ARID5A: variants seen among roughly 807,000 people sequenced by gnomAD.
ARID5A encodes AT-rich interactive domain-containing protein 5A.
Under a neutral mutation model 30.5 loss-of-function variants are expected in ARID5A, and 14 were observed. That is an observed-to-expected ratio of 0.46 (90% CI 0.30 to 0.72). ARID5A has a LOEUF of 0.72. Among genes scored for constraint, ARID5A ranks in the 30% least tolerant of loss-of-function variants. The probability of loss-of-function intolerance (pLI) is 0.07; values close to 1 mark genes in which losing one functional copy is unlikely to be tolerated. For missense variants in ARID5A, 669 were observed against 786.2 expected, an observed-to-expected ratio of 0.85 and a Z score of 1.78; for synonymous variants, 338 against 340.4, an observed-to-expected ratio of 0.99 and a Z score of 0.08.
chr2:96,544,975 G>A (rs1196231806), intron 1 of ARID5A, among the ~76,000 whole-genome samples: 1 of 152,258 alleles, frequency 6.6e-6, no homozygotes, highest in East Asian at 1.9e-4. Context: ...AGAAGACACT[G>A]CAGATGCAGT....
rs899530264 is a variant in ARID5A, at chr2:96,549,892, A to G, written c.312+87A>G. On this transcript the variant is annotated intron_variant, in intron 4 of 6. Coordinates refer to ENST00000357485, the MANE Select transcript of ARID5A (RefSeq NM_212481.3). This position sits in a 1 kb window ranked among gnomAD's most constrained non-coding sequence, Gnocchi z 6.1. The stretch of plus-strand genomic sequence containing the variant: ...TGTCCTTGCCTCTGGACAGAGGAAG[A>G]GCCAGGATCCCCAGTCCTACCCCTG... The G allele has an allele frequency of 4.5e-6, 7 of 1,554,822 alleles. No individual in the cohort carries two copies. In the Admixed American group the frequency reaches 1.3e-4, roughly 29 times the overall value.
At position 96,547,585 on chromosome 2, in the gene ARID5A, C is replaced by A. The variant is rs902413517; in HGVS notation, c.120+68C>A. On this transcript the variant is annotated intron_variant, in intron 2 of 6. Transcript: ENST00000357485. The stretch of plus-strand genomic sequence containing the variant: ...GCCACCCTCACCTGTGCTCCGCCTC[C>A]AGGTGAACCTGGACACTCCCCAAGC... The A allele has an allele frequency of 5.5e-6, 8 of 1,464,136 alleles. No homozygotes were observed. In the Admixed American group the frequency reaches 1.4e-4, roughly 26 times the overall value. 90.7% of individuals were successfully genotyped at this position (1,464,136 alleles called of 1,614,324 possible). A position where few individuals can be genotyped will look rare whatever the true frequency, so the allele number is the denominator to read the frequency against.
Position 96,551,912 on chromosome 2 carries a change from G to A in ARID5A, c.1384G>A (p.Val462Met), listed in dbSNP as rs777135656. ...CCACAGTGGGAAGAGACTGCGGGCC[G>A]TGTCTCCCTTTCTTAAGGAGGCGGA... is the stretch of plus-strand genomic sequence containing the variant. ...AAHSGKRLRA[V>M]SPFLKEADAK... The change falls in exon 7 of 7, where the codon GTG (valine) becomes ATG (methionine). Residue 462 changes from valine (V) to methionine (M), a missense_variant. Physicochemically the swap from Val to Met is conservative, Grantham distance 21 (BLOSUM62 1). Coordinates refer to ENST00000357485, the MANE Select transcript of ARID5A (RefSeq NM_212481.3). 33 of 1,533,070 alleles carry A rather than the reference G, an allele frequency of 2.2e-5. No homozygotes were observed. In the East Asian group the frequency reaches 3.0e-4, roughly 14 times the overall value. The allele number at this position is 1,533,070 out of a possible 1,614,324, so 95.0% of individuals were successfully genotyped here.
rs752067948 is a variant in ARID5A at position 96,551,607 on chromosome 2, G to A, written c.1079G>A (p.Arg360Lys). Residue 360 changes from arginine to lysine, a missense_variant, in exon 7 of 7, where the codon AGG (arginine) becomes AAG (lysine). Arg to Lys is a conservative substitution (Grantham distance 26). This residue lies in a region of ARID5A where 548 missense variants were observed against 577.4 expected (regional missense o/e 0.95). Coordinates refer to ENST00000357485, the MANE Select transcript of ARID5A (RefSeq NM_212481.3). ...EVLKPVSQHPRDFFSRLKDGV... is the reference protein window; with the variant it reads ...EVLKPVSQHPKDFFSRLKDGV... ...CTGAAGCCTGTCAGCCAGCACCCCA[G>A]GGACTTCTTCTCTAGACTTAAAGAT... 7 of 1,561,824 alleles carry A rather than the reference G, an allele frequency of 4.5e-6. No individual in the cohort carries two copies. The highest frequency in any genetic ancestry group is 5.2e-6 in the Non-Finnish European group (6 of 1,159,132).
chr2:96,539,964 C>T lies in ARID5A; in HGVS notation c.4+3134C>T, dbSNP rs2065817354. ...AAAATCTCTAGCTCTCAGGGATCAG[C>T]GTCTCTCAGGAGTCAGACTACCCTG... On this transcript the variant is annotated intron_variant, in intron 1 of 6. Transcript: ENST00000357485. The surrounding 1 kb of genome is among the most constrained non-coding windows in gnomAD (Gnocchi z 4.7). Among the ~76,000 whole-genome samples the T allele has an allele frequency of 6.6e-6, 1 of 152,228 alleles. No individual in the cohort carries two copies.
intron 1 of ARID5A, among the ~76,000 whole-genome samples, chr2:96,542,318 C>G (rs62154840): frequency 4.5e-4 from 68 of 152,278 alleles, no homozygotes; most frequent in Admixed American, 2.0e-3. Flanking sequence ...GAATGGAGAC[C>G]GAGTTCATCT....
chr2:96,545,347 G>C (rs2065910613), intron 1 of ARID5A, among the ~76,000 whole-genome samples: 1 of 151,702 alleles, frequency 6.6e-6, no homozygotes, highest in Non-Finnish European at 1.5e-5. Flanking sequence ...AGTAGAGACA[G>C]GGTTTCGCCA....
intron 1 of ARID5A, among the ~76,000 whole-genome samples, chr2:96,546,344 C>T (rs1202519606): frequency 6.6e-6 from 1 of 152,264 alleles, no homozygotes; most frequent in Non-Finnish European, 1.5e-5. Flanking sequence ...GGTTCCTGGT[C>T]TGGTATCTGC....
chr2:96,550,518 G>A lies in ARID5A; in HGVS notation c.411-56G>A. 1 of 1,535,836 alleles carries A rather than the reference G, an allele frequency of 6.5e-7. No homozygotes were observed. Among genetic ancestry groups the A allele is most frequent in the Non-Finnish European group, 8.8e-7 (1 of 1,139,188 alleles). On this transcript the variant is annotated intron_variant, in intron 5 of 6. Coordinates refer to ENST00000357485, the MANE Select transcript of ARID5A (RefSeq NM_212481.3). The surrounding 1 kb of genome is among the most constrained non-coding windows in gnomAD (Gnocchi z 6.6). ...AGGGGGCTCAGAGGAGGCTACAGAGGCCCAGGGAGGGGATGGGCGCCGGCC... is the reference window on the plus strand; with the variant it reads ...AGGGGGCTCAGAGGAGGCTACAGAGACCCAGGGAGGGGATGGGCGCCGGCC...
chr2:96,547,490 C>T lies in ARID5A; in HGVS notation c.93C>T (p.Asn31=), dbSNP rs1573195622. The T allele has an allele frequency of 3.7e-6, 6 of 1,614,006 alleles. No individual in the cohort carries two copies. Among genetic ancestry groups the T allele is most frequent in the Non-Finnish European group, 5.1e-6 (6 of 1,179,984 alleles). The change falls in exon 2 of 7, where the codon AAC becomes AAT. Residue 31 remains asparagine (N), a synonymous_variant. Transcript: ENST00000357485. ...CCCCCAAACCTGCTGGCAAGCAGAA[C>T]GGAATCCAGAACCCCATCTCGCTGG... ...PASPKPAGKQ[N]GIQNPISLED...
At chr2:96,544,978 G>A (rs1411076179) in intron 1 of ARID5A, among the ~76,000 whole-genome samples, 1 of 152,150 alleles carries the variant, frequency 6.6e-6, no homozygotes, top group Non-Finnish European at 1.5e-5. Context: ...AGACACTGCA[G>A]ATGCAGTGGA....
intron 1 of ARID5A, among the ~76,000 whole-genome samples, chr2:96,543,030 T>A (rs2065871760): frequency 6.6e-6 from 1 of 152,182 alleles, no homozygotes; most frequent in Non-Finnish European, 1.5e-5. Context: ...CTGGGTCACT[T>A]GTTAGTACCC....
intron 1 of ARID5A, 65 bp downstream of exon 1, chr2:96,536,895 C>G: frequency 8.2e-7 from 1 of 1,223,560 alleles, no homozygotes; most frequent in Middle Eastern, 3.1e-4. Flanking sequence ...TTCAAGGTGC[C>G]GGCGCCGGGT....
chr2:96,550,261 C>A lies in ARID5A; in HGVS notation c.386C>A (p.Thr129Lys). Reference protein sequence around the residue: ...GGSPGSTSAATCTRRHYERLV... With the variant: ...GGSPGSTSAAKCTRRHYERLV... ...AGCCCAGGCAGCACCAGCGCGGCCA[C>A]GTGCACGCGCCGCCACTACGAGAGG... Residue 129 changes from threonine to lysine, a missense_variant, in exon 5 of 7, where the codon ACG (threonine) becomes AAG (lysine). Thr to Lys is a moderately conservative substitution (Grantham distance 78, BLOSUM62 -1). Around this residue, in one of 4 missense-constraint regions of ARID5A, gnomAD observed 64 missense variants for 119.7 expected, o/e 0.53. Transcript: ENST00000357485. The surrounding 1 kb of genome is among the most constrained non-coding windows in gnomAD (Gnocchi z 6.6). The A allele has an allele frequency of 6.7e-7, 1 of 1,483,410 alleles. No homozygotes were observed. The highest frequency in any genetic ancestry group is 1.3e-5 in the South Asian group (1 of 74,640). The allele number at this position is 1,483,410 out of a possible 1,614,324, so 91.9% of individuals were successfully genotyped here. A position where few individuals can be genotyped will look rare whatever the true frequency, so the allele number is the denominator to read the frequency against.
chr2:96,544,491 C>A (rs1223879524), intron 1 of ARID5A, among the ~76,000 whole-genome samples: 1 of 152,226 alleles, frequency 6.6e-6, no homozygotes, highest in African/African-American at 2.4e-5. Context: ...TATGCTAAAT[C>A]TACTCACTCT....
intron 1 of ARID5A, among the ~76,000 whole-genome samples, chr2:96,546,457 TA>T (rs2065929981): frequency 6.6e-6 from 1 of 152,236 alleles, no homozygotes; most frequent in Admixed American, 6.5e-5. Flanking sequence ...TGGTTCTTAG[TA>T]AAATACAGCC....
rs770304836 is a variant in ARID5A, at chr2:96,539,041, G to A, written c.4+2211G>A. Reference sequence around the variant, plus strand: ...CTGCACCCAGGAGGCTGATGTTTCCGGAGCACCTGCTGGGCAGCGAGGTGC... The same window carrying A: ...CTGCACCCAGGAGGCTGATGTTTCCAGAGCACCTGCTGGGCAGCGAGGTGC... On this transcript the variant is annotated intron_variant, in intron 1 of 6. Transcript: ENST00000357485. This position sits in a 1 kb window ranked among gnomAD's most constrained non-coding sequence, Gnocchi z 4.7. 7.2e-5 allele frequency among the ~76,000 whole-genome samples: 11 copies of A among 152,178 alleles called. No individual in the cohort carries two copies. The highest frequency in any genetic ancestry group is 5.9e-4 in the Admixed American group (9 of 15,288).
At chr2:96,536,976 C>T in intron 1 of ARID5A, 146 bp downstream of exon 1, 2 of 1,070,332 alleles carry the variant, frequency 1.9e-6, no homozygotes, top group Non-Finnish European at 2.4e-6. Context: ...TTTCGGGGCG[C>T]GGGCCAAGGG....
Position 96,550,825 on chromosome 2 carries a change from G to A in ARID5A, c.570+92G>A. 6.9e-7 allele frequency: 1 copy of A among 1,446,410 alleles called. No homozygotes were observed. The highest frequency in any genetic ancestry group is 9.1e-7 in the Non-Finnish European group (1 of 1,093,294). The allele number at this position is 1,446,410 out of a possible 1,614,324, so 89.6% of individuals were successfully genotyped here. On this transcript the variant is annotated intron_variant, in intron 6 of 6. Coordinates refer to ENST00000357485, the MANE Select transcript of ARID5A (RefSeq NM_212481.3). This position sits in a 1 kb window ranked among gnomAD's most constrained non-coding sequence, Gnocchi z 6.6. ...CTGTGGCCGCGGAGCTGTCTGCTCA[G>A]AATACACAGAACCTGCACCCAGGGC...
Sources: gnomAD v4.1 joint callset for allele counts (sites outside exome capture counted in the v4.1 genomes callset) on GRCh38, gnomAD v4.1.1 for gene constraint, gnomAD v4.1.1 regional missense constraint, Gnocchi (gnomAD v3.1) non-coding constraint, MANE v1.5 for transcripts, NCBI Gene and HGNC (gene_info 2026-07-23, HGNC 2026-07-21) for gene names.